DNAAF10: variants seen among roughly 807,000 people sequenced by gnomAD.
DNAAF10 encodes WD repeat domain 92.
A neutral mutation model predicts 43.7 loss-of-function variants in DNAAF10; 28 were observed. That is an observed-to-expected ratio of 0.64 (90% CI 0.48 to 0.88). The LOEUF is 0.88. Among genes scored for constraint, DNAAF10 ranks in the 40% least tolerant of loss-of-function variants. The probability of loss-of-function intolerance (pLI) is 0.00; values close to 1 mark genes in which losing one functional copy is unlikely to be tolerated. For missense variants in DNAAF10, 403 were observed against 439.1 expected (o/e 0.92, Z 0.73); for synonymous variants, 156 against 157.3 (o/e 0.99, Z 0.06).
At chr2:68,155,146 C>T (rs1310038239) in intron 1 of DNAAF10, among the ~76,000 whole-genome samples, 1 of 150,530 alleles carries the variant, frequency 6.6e-6, no homozygotes, top group Non-Finnish European at 1.5e-5. Flanking sequence ...AGAGTGAGAC[C>T]CTGTTTCAAA....
intron 1 of DNAAF10, among the ~76,000 whole-genome samples, chr2:68,156,307 C>G (rs542748633): frequency 1.8e-4 from 28 of 151,888 alleles, no homozygotes; most frequent in African/African-American, 6.5e-4. Flanking sequence ...CAGTTTAATC[C>G]CTACCTCCTC....
intron 1 of DNAAF10, among the ~76,000 whole-genome samples, chr2:68,155,304 C>G (rs1362016731): frequency 6.6e-6 from 1 of 151,974 alleles, no homozygotes; most frequent in Non-Finnish European, 1.5e-5. Context: ...CCTGCCTGAC[C>G]AACATGGTGA....
In DNAAF10 at chr2:68,130,883, G is replaced by A; in HGVS notation, c.*355C>T. 5.2e-6 allele frequency: 1 copy of A among 190,582 alleles called. No homozygotes were observed. The highest frequency in any genetic ancestry group is 1.1e-5 in the Non-Finnish European group (1 of 91,106). 11.8% of individuals were successfully genotyped at this position (190,582 alleles called of 1,614,324 possible). A position where few individuals can be genotyped will look rare whatever the true frequency, so the allele number is the denominator to read the frequency against. On this transcript the variant is annotated 3_prime_UTR_variant, in exon 8 of 8. Coordinates refer to ENST00000295121, the MANE Select transcript of DNAAF10 (RefSeq NM_138458.4). The stretch of plus-strand genomic sequence containing the variant: ...CCAGAACCTATCTTAAATTGTGTGA[G>A]TGTTCCTCTGGAAGGTTTCAAGTCC...
rs1056438843 is a variant in DNAAF10, at chr2:68,130,875, T to C, written c.*363A>G. On this transcript the variant is annotated 3_prime_UTR_variant, in exon 8 of 8. Transcript: ENST00000295121. ...AGAGGACTCCAGAACCTATCTTAAA[T>C]TGTGTGAGTGTTCCTCTGGAAGGTT... 3 of 188,840 alleles carry C rather than the reference T, an allele frequency of 1.6e-5. No homozygotes were observed. Among genetic ancestry groups the C allele is most frequent in the Non-Finnish European group, 3.4e-5 (3 of 89,018 alleles). 11.7% of individuals were successfully genotyped at this position (188,840 alleles called of 1,614,324 possible).
At chr2:68,149,330 C>T (rs1000716563) in intron 1 of DNAAF10, among the ~76,000 whole-genome samples, 1 of 152,158 alleles carries the variant, frequency 6.6e-6, no homozygotes, top group African/African-American at 2.4e-5. Context: ...GTGGCCAAGT[C>T]TAAAAGCACT....
At chr2:68,152,882 ATACT>A (rs1262379810) in intron 1 of DNAAF10, among the ~76,000 whole-genome samples, 1 of 152,224 alleles carries the variant, frequency 6.6e-6, no homozygotes, top group Admixed American at 6.5e-5. Flanking sequence ...CATCCTGGCA[ATACT>A]TAATTAACAT....
At chr2:68,134,411 A>G (rs1320701422) in intron 7 of DNAAF10, 2 of 1,148,560 alleles carry the variant, frequency 1.7e-6, no homozygotes, top group Non-Finnish European at 2.1e-6. Flanking sequence ...TGTTCTAATC[A>G]CTTCAAGATA....
chr2:68,138,948 TATA>T (rs1205493708), intron 4 of DNAAF10, 91 bp from the exon 5 acceptor site: 11 of 885,764 alleles, frequency 1.2e-5, no homozygotes, highest in Middle Eastern at 2.2e-4. Context: ...ACATAAAACT[TATA>T]TTAAATCAGA....
chr2:68,136,086 C>T (rs139553610), intron 6 of DNAAF10, among the ~76,000 whole-genome samples: 44 of 151,428 alleles, frequency 2.9e-4, no homozygotes, highest in African/African-American at 7.0e-4. Context: ...GATATGGTGG[C>T]GTGTGCCTGT....
chr2:68,134,477 T>C (rs1672989331), intron 7 of DNAAF10: 6 of 1,326,930 alleles, frequency 4.5e-6, no homozygotes, highest in Non-Finnish European at 5.8e-6. Context: ...ACAACTAAAA[T>C]GATATACTAA....
chr2:68,157,094 G>C (rs1364426048), intron 1 of DNAAF10, 167 bp downstream of exon 1: 1 of 971,338 alleles, frequency 1.0e-6, no homozygotes, highest in African/African-American at 1.6e-5. Flanking sequence ...GAGAAGAAAG[G>C]TTTTAAATAG....
intron 7 of DNAAF10, among the ~76,000 whole-genome samples, chr2:68,132,895 T>TA (rs1405696058): frequency 1.3e-5 from 2 of 152,194 alleles, no homozygotes; most frequent in Non-Finnish European, 2.9e-5. Context: ...TCCGCTGTAG[T>TA]AAAAAATTCC....
intron 7 of DNAAF10, 67 bp from the exon 8 acceptor site, chr2:68,131,512 A>C: frequency 8.3e-6 from 12 of 1,450,172 alleles, no homozygotes; most frequent in South Asian, 2.3e-5. Flanking sequence ...TTTTATACAT[A>C]CACTTCAATG....
rs1398854030 is a variant in DNAAF10, at chr2:68,131,386, C to A, written c.926G>T (p.Gly309Val). 1 of 1,614,152 alleles carries A rather than the reference C, an allele frequency of 6.2e-7. No individual in the cohort carries two copies. The highest frequency in any genetic ancestry group is 8.5e-7 in the Non-Finnish European group (1 of 1,180,032). The change falls in exon 8 of 8, where the codon GGT becomes GTT. Residue 309 changes from glycine (G) to valine (V), a missense_variant. Gly to Val is a moderately radical substitution (Grantham distance 109). Coordinates refer to ENST00000295121, the MANE Select transcript of DNAAF10 (RefSeq NM_138458.4). ...DSEGIEMGVA[G>V]SVSLLQNVTL... Reference sequence around the variant, plus strand: ...AACATTCTGCAGAAGGCTTACAGAACCTGCGACTCCCATTTCTATTCCCTC... The same window carrying A: ...AACATTCTGCAGAAGGCTTACAGAAACTGCGACTCCCATTTCTATTCCCTC...
At chr2:68,152,218 T>C (rs1049049465) in intron 1 of DNAAF10, among the ~76,000 whole-genome samples, 3 of 152,246 alleles carry the variant, frequency 2.0e-5, no homozygotes, top group African/African-American at 7.2e-5. Flanking sequence ...TCCCTCATGT[T>C]CTTTGTCCTT....
rs956593931 is a variant in DNAAF10 at position 68,137,374 on chromosome 2, A to C, written c.693T>G (p.Ser231=). 6.2e-7 allele frequency: 1 copy of C among 1,613,746 alleles called. No individual in the cohort carries two copies. The highest frequency in any genetic ancestry group is 1.3e-5 in the African/African-American group (1 of 74,912). Residue 231 remains serine (S), a synonymous_variant, in exon 6 of 8, where the codon TCT becomes TCG. Transcript: ENST00000295121. Reference sequence around the variant, plus strand: ...CAAAAACATGGAACTTTCCTTCCAGAGATGTGGCTACTAACTTATTCATAC... The same window carrying C: ...CAAAAACATGGAACTTTCCTTCCAGCGATGTGGCTACTAACTTATTCATAC... ...DISMNKLVAT[S]LEGKFHVFDM...
In DNAAF10 at chr2:68,134,482, T is replaced by C. The variant is rs975943842; in HGVS notation, c.866+220A>G. 6 of 1,340,032 alleles carry C rather than the reference T, an allele frequency of 4.5e-6. No individual in the cohort carries two copies. The South Asian group carries it at 7.1e-5, about 16-fold the overall frequency. 83.0% of individuals were successfully genotyped at this position (1,340,032 alleles called of 1,614,324 possible). A position where few individuals can be genotyped will look rare whatever the true frequency, so the allele number is the denominator to read the frequency against. On this transcript the variant is annotated intron_variant, in intron 7 of 7. Transcript: ENST00000295121. ...CTTAGAAGACACAACTAAAATGATA[T>C]ACTAAAATGTATCAAAAGAAGATTA...
intron 1 of DNAAF10, 149 bp downstream of exon 1, chr2:68,157,112 T>G: frequency 9.3e-7 from 1 of 1,079,282 alleles, no homozygotes; most frequent in Non-Finnish European, 1.3e-6. Flanking sequence ...TAGGAAACAT[T>G]CCTCAGTCGG....
At chr2:68,131,566 G>T in intron 7 of DNAAF10, 121 bp from the exon 8 acceptor site, 1 of 925,646 alleles carries the variant, frequency 1.1e-6, no homozygotes, top group South Asian at 1.7e-5. Context: ...AATACTTAAA[G>T]AATCTTTCTA....
Sources: allele counts gnomAD v4.1 joint callset (sites outside exome capture counted in the v4.1 genomes callset), GRCh38; gene constraint gnomAD v4.1.1; transcripts MANE v1.5; gene names NCBI Gene and HGNC (gene_info 2026-07-23, HGNC 2026-07-21).